AADAT: variants seen among roughly 807,000 people sequenced by gnomAD.
AADAT encodes aminoadipate aminotransferase, also known as kynurenine/alpha-aminoadipate aminotransferase, mitochondrial.
In AADAT, 25 loss-of-function variants were observed where a neutral mutation model predicts 56.2. The observed-to-expected ratio is 0.44, with a 90% CI of 0.32 to 0.62. The LOEUF is 0.62. Ranked by LOEUF, AADAT falls within the 20% of genes least tolerant of loss-of-function variation. The pLI is 0.04. For missense variants in AADAT, 387 were observed against 510.5 expected, an observed-to-expected ratio of 0.76 and a Z score of 2.33; for synonymous variants, 173 against 164.7, an observed-to-expected ratio of 1.05 and a Z score of -0.39.
chr4:170,061,065 C>T (rs1731165270), intron 12 of AADAT, 96 bp from the exon 13 acceptor site: 3 of 882,990 alleles, frequency 3.4e-6, no homozygotes, highest in Non-Finnish European at 4.8e-6. Context: ...GAGTATCTGT[C>T]TAAGGTTGAG....
chr4:170,088,257 G>C, intron 2 of AADAT, 139 bp downstream of exon 2: 2 of 854,690 alleles, frequency 2.3e-6, no homozygotes, highest in Non-Finnish European at 3.4e-6. Flanking sequence ...TTTGGTCATT[G>C]AATGACCAAA....
chr4:170,082,677 C>T (rs1321975356), intron 3 of AADAT, among the ~76,000 whole-genome samples: 1 of 152,030 alleles, frequency 6.6e-6, no homozygotes, highest in Non-Finnish European at 1.5e-5. Context: ...TCATATGCAG[C>T]TTACAAGAAA....
chr4:170,069,196 T>C lies in AADAT; in HGVS notation c.755A>G (p.Asp252Gly). ...AGAGTCAGCTCTGATGACACGTCCA[T>C]CAACATCCATGGAAAGAAATGTTGG... Reference protein sequence around the residue: ...RVPTFLSMDVDGRVIRADSFS... With the variant: ...RVPTFLSMDVGGRVIRADSFS... The change falls in exon 7 of 13, where the codon GAT becomes GGT. Residue 252 changes from aspartate (D) to glycine (G), a missense_variant. Coordinates refer to ENST00000337664, the MANE Select transcript of AADAT (RefSeq NM_016228.4). 6.2e-7 allele frequency: 1 copy of C among 1,613,902 alleles called. No homozygotes were observed. The highest frequency in any genetic ancestry group is 8.5e-7 in the Non-Finnish European group (1 of 1,179,936).
At chr4:170,064,656 A>C (rs1163912437) in intron 11 of AADAT, 63 bp downstream of exon 11, 4 of 1,325,922 alleles carry the variant, frequency 3.0e-6, no homozygotes, top group Non-Finnish European at 4.2e-6. Flanking sequence ...TATTCAAGCA[A>C]AATATTAAAG....
intron 1 of AADAT, 50 bp from the exon 2 acceptor site, chr4:170,088,614 A>C (rs1285012298): frequency 6.4e-7 from 1 of 1,558,018 alleles, no homozygotes; most frequent in East Asian, 2.3e-5. Context: ...GATTGTTATA[A>C]GCGGATAGTT....
chr4:170,079,663 G>A (rs912931100), intron 3 of AADAT, among the ~76,000 whole-genome samples: 1 of 152,144 alleles, frequency 6.6e-6, no homozygotes, highest in Non-Finnish European at 1.5e-5. Flanking sequence ...AAATGAGGAA[G>A]AGGAGGTGTC....
At chr4:170,069,456 G>T (rs1362612809) in intron 6 of AADAT, among the ~76,000 whole-genome samples, 2 of 152,228 alleles carry the variant, frequency 1.3e-5, no homozygotes, top group East Asian at 3.9e-4. Flanking sequence ...ACACACAAGG[G>T]CTTATTATTT....
intron 2 of AADAT, among the ~76,000 whole-genome samples, chr4:170,087,477 C>T (rs957339307): frequency 3.3e-5 from 5 of 152,136 alleles, no homozygotes; most frequent in African/African-American, 7.2e-5. Flanking sequence ...AAGTCAATTA[C>T]GTAATAAATG....
upstream of AADAT, among the ~76,000 whole-genome samples, chr4:170,093,294 G>A (rs565333595): frequency 3.1e-3 from 470 of 152,202 alleles, 2 homozygotes; most frequent in Non-Finnish European, 5.2e-3. Flanking sequence ...GCGGTGTTTG[G>A]TGGCAGATGC....
intron 4 of AADAT, among the ~76,000 whole-genome samples, 161 bp from the exon 5 acceptor site, chr4:170,073,506 TA>T (rs1210681635): frequency 2.0e-4 from 30 of 151,624 alleles, no homozygotes; most frequent in South Asian, 4.2e-4. Flanking sequence ...GTTACACATT[TA>T]TTTATTTTTT....
At chr4:170,061,708 C>G (rs1451281482) in intron 12 of AADAT, among the ~76,000 whole-genome samples, 184 bp downstream of exon 12, 1 of 152,178 alleles carries the variant, frequency 6.6e-6, no homozygotes, top group Non-Finnish European at 1.5e-5. Flanking sequence ...AGTCTCATTT[C>G]TATAGAAGTC....
chr4:170,076,213 G>A (rs140534954), intron 4 of AADAT, among the ~76,000 whole-genome samples: 42 of 152,212 alleles, frequency 2.8e-4, no homozygotes, highest in African/African-American at 9.6e-4. Context: ...TCCACCAGCA[G>A]TGAATGAACC....
upstream of AADAT, among the ~76,000 whole-genome samples, chr4:170,091,199 C>T (rs1732812012): frequency 6.6e-6 from 1 of 152,172 alleles, no homozygotes; most frequent in Non-Finnish European, 1.5e-5. Context: ...GAGGCCGGAG[C>T]CGGCTCCCTC....
chr4:170,076,322 T>C (rs1050750213), intron 4 of AADAT, among the ~76,000 whole-genome samples: 3 of 152,108 alleles, frequency 2.0e-5, no homozygotes, highest in African/African-American at 2.4e-5. Flanking sequence ...TTTCTCTATT[T>C]AAAAAAATTT....
chr4:170,088,912 T>C (rs1732697158), intron 1 of AADAT, among the ~76,000 whole-genome samples: 1 of 151,244 alleles, frequency 6.6e-6, no homozygotes, highest in South Asian at 2.1e-4. Flanking sequence ...AAGATGGCTC[T>C]GTCTATAAGG....
upstream of AADAT, among the ~76,000 whole-genome samples, chr4:170,092,307 C>T (rs1020460377): frequency 8.5e-5 from 13 of 152,240 alleles, no homozygotes; most frequent in African/African-American, 2.9e-4. Context: ...AGTTTCTCTC[C>T]TGAGGCCGTG....
At position 170,060,966 on chromosome 4, in the gene AADAT, A is replaced by G; in HGVS notation, c.1240T>C (p.Phe414Leu). ...SASPEQMDVA[F>L]QVLAQLIKES... The stretch of plus-strand genomic sequence containing the variant: ...TTTATAAGTTGTGCTAATACCTGGA[A>G]GGCCTAAAACAGAAAAAAAAAATTA... The change falls in exon 13 of 13, where the codon TTC becomes CTC. Residue 414 changes from phenylalanine (F) to leucine (L), a missense_variant. Transcript: ENST00000337664. 1.3e-6 allele frequency: 2 copies of G among 1,532,340 alleles called. No individual in the cohort carries two copies. The highest frequency in any genetic ancestry group is 1.2e-5 in the South Asian group (1 of 82,056). The allele number at this position is 1,532,340 out of a possible 1,614,324, so 94.9% of individuals were successfully genotyped here.
intron 12 of AADAT, 70 bp from the exon 13 acceptor site, chr4:170,061,039 T>C (rs1731164341): frequency 1.7e-6 from 2 of 1,149,556 alleles, no homozygotes; most frequent in African/African-American, 1.6e-5. Flanking sequence ...GTAATAACTT[T>C]AAAAATCCAA....
rs901714600 is a variant in AADAT at position 170,067,589 on chromosome 4, T to C, written c.901-201A>G. On this transcript the variant is annotated intron_variant, in intron 8 of 12. Coordinates refer to ENST00000337664, the MANE Select transcript of AADAT (RefSeq NM_016228.4). Reference sequence around the variant, plus strand: ...CTAGTAAAAATAACAAATATTGATATACTATTTGTTATGTAGCAGGCACTG... The same window carrying C: ...CTAGTAAAAATAACAAATATTGATACACTATTTGTTATGTAGCAGGCACTG... Among the ~76,000 whole-genome samples the C allele has an allele frequency of 2.6e-5, 4 of 152,200 alleles. No homozygotes were observed. In the South Asian group the frequency reaches 6.2e-4, roughly 24 times the overall value.
Sources: gnomAD v4.1 joint callset for allele counts (sites outside exome capture counted in the v4.1 genomes callset) on GRCh38, gnomAD v4.1.1 for gene constraint, MANE v1.5 for transcripts, NCBI Gene and HGNC (gene_info 2026-07-23, HGNC 2026-07-21) for gene names.